The following CA10 variants were observed in gnomAD, a reference collection of about 807,000 sequenced individuals.
CA10 encodes the protein carbonic anhydrase-related protein 10.
A neutral mutation model predicts 44.2 loss-of-function variants in CA10; 14 were observed. The ratio of observed to expected loss-of-function variants is 0.32; its 90% CI spans 0.21 to 0.50. CA10 has a LOEUF of 0.50. Among genes scored for constraint, CA10 ranks in the 20% least tolerant of loss-of-function variants. CA10 has a pLI of 0.99. For synonymous variants in CA10, 159 were observed against 141.6 expected (o/e 1.12, Z -0.87); for missense variants, 350 against 409.7 (o/e 0.85, Z 1.26).
intron 4 of CA10, among the ~76,000 whole-genome samples, chr17:51,687,930 T>C (rs1020006996): frequency 6.6e-6 from 1 of 152,228 alleles, no homozygotes; most frequent in African/African-American, 2.4e-5. Flanking sequence ...TGTGGTTCCC[T>C]CTCATGTTGC....
intron 3 of CA10, among the ~76,000 whole-genome samples, chr17:51,856,358 G>A (rs1979042431): frequency 8.9e-6 from 1 of 111,912 alleles, no homozygotes; most frequent in Admixed American, 9.6e-5. Context: ...AGACATTTCA[G>A]TAAAACAACA....
chr17:52,035,688 C>T (rs1451273149), intron 2 of CA10, among the ~76,000 whole-genome samples: 1 of 152,206 alleles, frequency 6.6e-6, no homozygotes, highest in Non-Finnish European at 1.5e-5. Context: ...GTGGGGCCCA[C>T]ATGGAGTTCA....
At chr17:51,772,479 A>G (rs958921288) in intron 3 of CA10, among the ~76,000 whole-genome samples, 2 of 152,186 alleles carry the variant, frequency 1.3e-5, no homozygotes, top group Non-Finnish European at 2.9e-5. Context: ...CTAACATTTC[A>G]TGTTTCAGTA....
chr17:51,913,653 T>G (rs952887580), intron 3 of CA10, among the ~76,000 whole-genome samples: 1 of 152,126 alleles, frequency 6.6e-6, no homozygotes, highest in African/African-American at 2.4e-5. Flanking sequence ...GTTAGAGAAG[T>G]CCGAATGACC....
At chr17:51,985,865 C>A (rs1208972530) in intron 2 of CA10, among the ~76,000 whole-genome samples, 2 of 151,944 alleles carry the variant, frequency 1.3e-5, no homozygotes, top group African/African-American at 4.8e-5. Context: ...ATGACCTAAA[C>A]AAATGAAAAC....
chr17:51,677,888 C>G (rs764204570), intron 4 of CA10, among the ~76,000 whole-genome samples: 229 of 35,462 alleles, frequency 6.5e-3, no homozygotes, highest in Middle Eastern at 0.036. Context: ...GGTATACACC[C>G]CCCCCCCCAC....
rs80031094 is a variant in CA10 at position 51,921,170 on chromosome 17, C to T, written c.279+9820G>A. ...TTCCACACGTCCCATCTAACCACTG[C>T]TCATACAGAATCAAAGTACATCAAG... On this transcript the variant is annotated intron_variant, in intron 3 of 8. Transcript: ENST00000451037. Among the ~76,000 whole-genome samples, 377 of 152,296 alleles carry T rather than the reference C, an allele frequency of 2.5e-3. 11 individuals are homozygous for T. The East Asian group carries it at 0.06, about 24-fold the overall frequency.
At chr17:51,682,531 C>G (rs1222525238) in intron 4 of CA10, among the ~76,000 whole-genome samples, 2 of 152,142 alleles carry the variant, frequency 1.3e-5, no homozygotes. Context: ...CTCCTGCTCC[C>G]TGGATAAAGG....
chr17:52,096,226 G>C (rs1326378566), intron 1 of CA10, among the ~76,000 whole-genome samples: 2 of 152,076 alleles, frequency 1.3e-5, no homozygotes, highest in African/African-American at 2.4e-5. Context: ...TTATCTCATT[G>C]CTCTCCATCT....
intron 2 of CA10, among the ~76,000 whole-genome samples, chr17:52,008,081 T>C (rs1985662839): frequency 6.6e-6 from 1 of 151,708 alleles, no homozygotes; most frequent in African/African-American, 2.4e-5. Context: ...TCTTAATCAG[T>C]CTTGCTAATT....
At chr17:52,033,260 T>G (rs1986521100) in intron 2 of CA10, among the ~76,000 whole-genome samples, 1 of 152,192 alleles carries the variant, frequency 6.6e-6, no homozygotes, top group South Asian at 2.1e-4. Context: ...GAAGATTTCA[T>G]TTTTCCCCTT....
intron 3 of CA10, among the ~76,000 whole-genome samples, chr17:51,794,410 C>T (rs6504748): frequency 0.72 from 109,502 of 152,050 alleles, 39,567 homozygotes; most frequent in East Asian, 0.85. Context: ...GAGGTGGATG[C>T]GGAGACTACG....
chr17:52,012,950 A>G (rs541183779), intron 2 of CA10, among the ~76,000 whole-genome samples: 1 of 152,130 alleles, frequency 6.6e-6, no homozygotes, highest in Admixed American at 6.6e-5. Context: ...CCTATCTAAA[A>G]ATGAAAATAC....
chr17:51,749,258 C>G (rs1904811143), intron 3 of CA10, among the ~76,000 whole-genome samples: 1 of 152,248 alleles, frequency 6.6e-6, no homozygotes, highest in Non-Finnish European at 1.5e-5. Context: ...GAGGCTATTT[C>G]TCTACGTCGA....
chr17:52,064,892 G>T (rs1297136324), intron 2 of CA10, among the ~76,000 whole-genome samples: 1 of 152,166 alleles, frequency 6.6e-6, no homozygotes, highest in Non-Finnish European at 1.5e-5. Context: ...TGAATAAGTG[G>T]TGATCTAATT....
intron 4 of CA10, among the ~76,000 whole-genome samples, chr17:51,708,836 G>T (rs558929035): frequency 1.3e-5 from 2 of 152,362 alleles, no homozygotes; most frequent in South Asian, 4.1e-4. Flanking sequence ...AAGTTCTTCA[G>T]CTTTTGGACT....
chr17:51,991,539 G>A (rs1322190326), intron 2 of CA10, among the ~76,000 whole-genome samples: 1 of 152,132 alleles, frequency 6.6e-6, no homozygotes, highest in African/African-American at 2.4e-5. Context: ...GCCAAACGTG[G>A]TGGCTCACAC....
intron 4 of CA10, among the ~76,000 whole-genome samples, chr17:51,728,852 A>T (rs1916615042): frequency 6.6e-6 from 1 of 152,236 alleles, no homozygotes; most frequent in African/African-American, 2.4e-5. Context: ...GGAGTAAATA[A>T]ACATGAAAAA....
intron 2 of CA10, among the ~76,000 whole-genome samples, chr17:51,934,521 C>G (rs945780196): frequency 1.2e-4 from 18 of 152,136 alleles, no homozygotes; most frequent in African/African-American, 4.3e-4. Flanking sequence ...AAATAAATTT[C>G]AAGTGCAAAG....
Sources: allele counts gnomAD v4.1 joint callset (sites outside exome capture counted in the v4.1 genomes callset), GRCh38; gene constraint gnomAD v4.1.1; transcripts MANE v1.5; gene names NCBI Gene and HGNC (gene_info 2026-07-23, HGNC 2026-07-21).